Variants in EOGT observed in about 807,000 individuals in gnomAD.
EOGT encodes the protein EGF domain specific O-linked N-acetylglucosamine transferase.
Under a neutral mutation model 70.5 loss-of-function variants are expected in EOGT, and 55 were observed. The observed-to-expected ratio is 0.78, with a 90% CI of 0.63 to 0.98. The LOEUF (loss-of-function observed/expected upper bound fraction) is 0.98, where lower values mean the gene tolerates loss of function less well. EOGT is among the 50% of genes least tolerant of loss of function. The probability of loss-of-function intolerance (pLI) is 0.00; values close to 1 mark genes in which losing one functional copy is unlikely to be tolerated. For synonymous variants in EOGT, 246 were observed against 217.1 expected (o/e 1.13, Z -1.17); for missense variants, 703 against 641.9 (o/e 1.10, Z -1.03).
chr3:68,984,227 TCA>T (rs375056353), intron 14 of EOGT, among the ~76,000 whole-genome samples: 3 of 148,928 alleles, frequency 2.0e-5, no homozygotes, highest in Non-Finnish European at 3.0e-5. Context: ...TCTCTCACAC[TCA>T]CACACACACA....
In EOGT at chr3:69,008,546, C is replaced by A; in HGVS notation, c.211-18G>T. The A allele has an allele frequency of 6.4e-7, 1 of 1,558,206 alleles. No homozygotes were observed. Among genetic ancestry groups the A allele is most frequent in the Non-Finnish European group, 8.8e-7 (1 of 1,130,134 alleles). On this transcript the variant is annotated intron_variant, in intron 4 of 17. Coordinates refer to ENST00000383701, the MANE Select transcript of EOGT (RefSeq NM_001278689.2). ...AGGTGTTTCTAGAACATAAAACTTA[C>A]ATTGATTTCCCTTCTTCTGACATTT...
chr3:68,994,490 A>G (rs1171992905), intron 10 of EOGT, among the ~76,000 whole-genome samples: 1 of 152,192 alleles, frequency 6.6e-6, no homozygotes, highest in African/African-American at 2.4e-5. Context: ...TATTACTTTC[A>G]TAATTAAAAA....
intron 6 of EOGT, among the ~76,000 whole-genome samples, chr3:69,007,399 T>A (rs1365764453): frequency 6.6e-6 from 1 of 151,866 alleles, no homozygotes; most frequent in Non-Finnish European, 1.5e-5. Context: ...ACGCCTGTAA[T>A]CCCAGCACTT....
At chr3:68,990,204 A>G (rs1470164829) in intron 10 of EOGT, among the ~76,000 whole-genome samples, 2 of 152,138 alleles carry the variant, frequency 1.3e-5, no homozygotes, top group Non-Finnish European at 2.9e-5. Flanking sequence ...AGATGAGGAA[A>G]CTGAGACACA....
intron 9 of EOGT, among the ~76,000 whole-genome samples, chr3:69,000,469 A>G (rs984721466): frequency 6.6e-6 from 1 of 152,224 alleles, no homozygotes; most frequent in Non-Finnish European, 1.5e-5. Flanking sequence ...CCTGGAACAT[A>G]GCATTTTTAC....
At chr3:68,997,116 G>A (rs1325215825) in intron 10 of EOGT, among the ~76,000 whole-genome samples, 1 of 152,102 alleles carries the variant, frequency 6.6e-6, no homozygotes, top group Non-Finnish European at 1.5e-5. Flanking sequence ...GGAAAAGGCA[G>A]GCAAAGAGAG....
intron 6 of EOGT, among the ~76,000 whole-genome samples, chr3:69,007,222 C>G (rs1475636636): frequency 6.6e-6 from 1 of 152,082 alleles, no homozygotes; most frequent in Non-Finnish European, 1.5e-5. Context: ...AAGAAAACAA[C>G]CTATTTGGGG....
intron 15 of EOGT, among the ~76,000 whole-genome samples, chr3:68,980,492 G>A (rs559578024): frequency 6.6e-6 from 1 of 152,316 alleles, no homozygotes; most frequent in East Asian, 1.9e-4. Flanking sequence ...ACAATTCACT[G>A]AGGTGAGGCT....
At chr3:69,001,769 A>T (rs2091299583) in intron 8 of EOGT, 55 bp from the exon 9 acceptor site, 1 of 1,202,886 alleles carries the variant, frequency 8.3e-7, no homozygotes, top group African/African-American at 1.5e-5. Flanking sequence ...ACTTCCTATT[A>T]GAACACTGTA....
chr3:68,985,383 T>C (rs2107191113), intron 14 of EOGT, among the ~76,000 whole-genome samples: 1 of 152,312 alleles, frequency 6.6e-6, no homozygotes, highest in East Asian at 1.9e-4. Flanking sequence ...AATTACATAA[T>C]TCGGATCAGC....
At chr3:68,985,544 C>G (rs572926045) in intron 14 of EOGT, among the ~76,000 whole-genome samples, 1 of 152,138 alleles carries the variant, frequency 6.6e-6, no homozygotes, top group African/African-American at 2.4e-5. Flanking sequence ...CACACTTGAT[C>G]CTTGATACCT....
chr3:68,998,178 T>C (rs1233041101), intron 9 of EOGT, 64 bp from the exon 10 acceptor site: 14 of 845,604 alleles, frequency 1.7e-5, no homozygotes, highest in South Asian at 4.6e-5. Flanking sequence ...GCAAGTTTTA[T>C]TCTATCCCAT....
chr3:68,979,761 C>A lies in EOGT; in HGVS notation c.1241G>T (p.Arg414Met). ...AAATATGTCCGTGTTGTGTGTGATC[C>A]TTAGTTGATCTAAAAACCCAAGTTC... ...YRELGFLDQL[R>M]ITHNTDIFIG... The change falls in exon 16 of 18, where the codon AGG (arginine) becomes ATG (methionine). Residue 414 changes from arginine (R) to methionine (M), a missense_variant. Coordinates refer to ENST00000383701, the MANE Select transcript of EOGT (RefSeq NM_001278689.2). 1 of 1,613,538 alleles carries A rather than the reference C, an allele frequency of 6.2e-7. No individual in the cohort carries two copies. The highest frequency in any genetic ancestry group is 2.2e-5 in the East Asian group (1 of 44,812).
At chr3:69,005,558 C>G (rs1307175415) in intron 6 of EOGT, among the ~76,000 whole-genome samples, 1 of 152,072 alleles carries the variant, frequency 6.6e-6, no homozygotes, top group Non-Finnish European at 1.5e-5. Flanking sequence ...TACCCAGATC[C>G]AGTACTACTA....
chr3:69,005,849 T>C (rs1396441331), intron 6 of EOGT, among the ~76,000 whole-genome samples: 1 of 152,252 alleles, frequency 6.6e-6, no homozygotes, highest in East Asian at 1.9e-4. Flanking sequence ...TTATCTGCTC[T>C]GGGTTTTATT....
chr3:68,982,073 ATTT>A, intron 15 of EOGT, among the ~76,000 whole-genome samples: 1 of 151,948 alleles, frequency 6.6e-6, no homozygotes, highest in East Asian at 1.9e-4. Flanking sequence ...CACTCGGCTA[ATTT>A]TTTTTATTTT....
intron 3 of EOGT, among the ~76,000 whole-genome samples, chr3:69,011,487 G>A (rs1282413763): frequency 2.6e-5 from 4 of 150,972 alleles, no homozygotes; most frequent in Non-Finnish European, 5.9e-5. Context: ...ATCAGCTGTA[G>A]TCCCAGCTGA....
At chr3:69,009,409 T>C (rs2091513727) in intron 4 of EOGT, among the ~76,000 whole-genome samples, 1 of 152,234 alleles carries the variant, frequency 6.6e-6, no homozygotes, top group Non-Finnish European at 1.5e-5. Flanking sequence ...TAGTATTGGC[T>C]ACTTATTTGT....
At chr3:68,982,394 C>A (rs955000578) in intron 15 of EOGT, among the ~76,000 whole-genome samples, 3 of 152,094 alleles carry the variant, frequency 2.0e-5, no homozygotes, top group Non-Finnish European at 1.5e-5. Flanking sequence ...GTGGCACACG[C>A]CTGTAGTCCC....
Sources: allele counts gnomAD v4.1 joint callset (sites outside exome capture counted in the v4.1 genomes callset), GRCh38; gene constraint gnomAD v4.1.1; transcripts MANE v1.5; gene names NCBI Gene and HGNC (gene_info 2026-07-23, HGNC 2026-07-21).